Variants in PRKN observed in about 807,000 individuals in gnomAD.
The protein encoded by PRKN is parkin RBR E3 ubiquitin protein ligase.
In PRKN, 56 loss-of-function variants were observed where a neutral mutation model predicts 59.5. The ratio of observed to expected loss-of-function variants is 0.94; its 90% confidence interval spans 0.76 to 1.18. PRKN has a LOEUF of 1.18. Ranked by LOEUF, PRKN falls within the 50% of genes most tolerant of loss-of-function variation. The pLI, the probability that PRKN is intolerant of heterozygous loss-of-function variation, is 0.00. For missense variants in PRKN, 657 were observed against 596.4 expected (o/e 1.10, Z -1.06); for synonymous variants, 250 against 222.1 (o/e 1.13, Z -1.12).
intron 5 of PRKN, among the ~76,000 whole-genome samples, chr6:161,986,075 G>A (rs1027433148): frequency 3.3e-5 from 5 of 152,082 alleles, no homozygotes; most frequent in Admixed American, 2.0e-4. Context: ...GTTTACCATT[G>A]CCATGGCAAC....
At chr6:162,404,800 C>T (rs1043997852) in intron 2 of PRKN, among the ~76,000 whole-genome samples, 2 of 152,186 alleles carry the variant, frequency 1.3e-5, no homozygotes, top group Non-Finnish European at 2.9e-5. Flanking sequence ...GATCTGCCCG[C>T]CTCGGCCTCC....
At chr6:162,221,071 A>G (rs531209710) in intron 3 of PRKN, among the ~76,000 whole-genome samples, 2 of 152,260 alleles carry the variant, frequency 1.3e-5, no homozygotes, top group African/African-American at 2.4e-5. Context: ...ATCTTCCCTC[A>G]TGATACCAGA....
intron 4 of PRKN, among the ~76,000 whole-genome samples, chr6:162,124,945 C>G (rs1781062481): frequency 6.6e-6 from 1 of 152,068 alleles, no homozygotes; most frequent in Non-Finnish European, 1.5e-5. Flanking sequence ...TCAAAGAAGT[C>G]AGGGAAGTCT....
chr6:161,698,557 CT>C (rs896250007), intron 7 of PRKN, among the ~76,000 whole-genome samples: 1 of 151,950 alleles, frequency 6.6e-6, no homozygotes. Flanking sequence ...ACACTATCTG[CT>C]TTTAAGACTT....
intron 2 of PRKN, among the ~76,000 whole-genome samples, chr6:162,432,133 C>T (rs535903601): frequency 1.2e-4 from 18 of 152,120 alleles, no homozygotes; most frequent in Admixed American, 2.0e-4. Context: ...TTATTTCCCC[C>T]TCAAAACAAT....
intron 1 of PRKN, chr6:162,568,229 C>A (rs896922583): frequency 4.0e-5 from 7 of 173,062 alleles, no homozygotes; most frequent in African/African-American, 1.7e-4. Context: ...TTGAGCAATA[C>A]CCCACAAGCA....
At chr6:162,724,921 C>T (rs1341553914) in intron 1 of PRKN, among the ~76,000 whole-genome samples, 1 of 152,192 alleles carries the variant, frequency 6.6e-6, no homozygotes, top group Non-Finnish European at 1.5e-5. Context: ...AAGCCTGTGC[C>T]CAGGCAAACC....
At chr6:162,554,278 C>T (rs1463190378) in intron 1 of PRKN, among the ~76,000 whole-genome samples, 1 of 151,792 alleles carries the variant, frequency 6.6e-6, no homozygotes, top group East Asian at 1.9e-4. Flanking sequence ...CTGAGGCGGG[C>T]GGATCACCTG....
Position 161,554,734 on chromosome 6 carries a change from G to GTC in PRKN, c.934-5732_934-5731insGA, listed in dbSNP as rs1452353963. ...GGATTGTGTGTGTGTGTGTGTGTGTGTATATATATATATATATATACATAC... is the reference window on the plus strand; with the variant it reads ...GGATTGTGTGTGTGTGTGTGTGTGTGTCTATATATATATATATATATACATAC... On this transcript the variant is annotated intron_variant, in intron 8 of 11. Coordinates refer to ENST00000366898, the MANE Select transcript of PRKN (RefSeq NM_004562.3). The surrounding 1 kb of genome is among the most constrained non-coding windows in gnomAD (Gnocchi z 4.5). Among the ~76,000 whole-genome samples, 3 of 140,958 alleles carry GTC rather than the reference G, an allele frequency of 2.1e-5. No homozygotes were observed. The highest frequency in any genetic ancestry group is 2.1e-4 in the East Asian group (1 of 4,814). The allele number at this position is 140,958 out of a possible 152,430, so 92.5% of individuals were successfully genotyped here. A position where few individuals can be genotyped will look rare whatever the true frequency, so the allele number is the denominator to read the frequency against.
chr6:161,551,585 G>A lies in PRKN; in HGVS notation c.934-2582C>T, dbSNP rs988014910. On this transcript the variant is annotated intron_variant, in intron 8 of 11. Coordinates refer to ENST00000366898, the MANE Select transcript of PRKN (RefSeq NM_004562.3). The surrounding 1 kb of genome is among the most constrained non-coding windows in gnomAD (Gnocchi z 5.2). ...AGCTGTGGTTGGAGCTGGGTGTGTG[G>A]CTGCCATTGCGGTCTTGAAAAGTCA... 2.0e-5 allele frequency among the ~76,000 whole-genome samples: 3 copies of A among 152,164 alleles called. No individual in the cohort carries two copies. The highest frequency in any genetic ancestry group is 2.9e-5 in the Non-Finnish European group (2 of 68,026).
At chr6:162,569,372 G>C in intron 1 of PRKN, 1 of 653,138 alleles carries the variant, frequency 1.5e-6, no homozygotes, top group Non-Finnish European at 2.9e-6. Flanking sequence ...GGCCATGCAG[G>C]ACATGGCGTG....
chr6:161,371,481 T>TA lies in PRKN; in HGVS notation c.1168-11277_1168-11276insT, dbSNP rs1442456985. Among the ~76,000 whole-genome samples, 7 of 138,918 alleles carry TA rather than the reference T, an allele frequency of 5.0e-5. No homozygotes were observed. Among genetic ancestry groups the TA allele is most frequent in the South Asian group, 2.4e-4 (1 of 4,168 alleles). The allele number at this position is 138,918 out of a possible 152,430, so 91.1% of individuals were successfully genotyped here. A position where few individuals can be genotyped will look rare whatever the true frequency, so the allele number is the denominator to read the frequency against. On this transcript the variant is annotated intron_variant, in intron 10 of 11. Coordinates refer to ENST00000366898, the MANE Select transcript of PRKN (RefSeq NM_004562.3). The surrounding 1 kb of genome is among the most constrained non-coding windows in gnomAD (Gnocchi z 5.5). ...CGCCCGGCCTATTTTGTTATTTTTT[T>TA]TAAGAGAAATCATCAGAGTGTTGGG... is the stretch of plus-strand genomic sequence containing the variant.
intron 7 of PRKN, 50 bp from the exon 8 acceptor site, chr6:161,569,466 G>A: frequency 6.8e-7 from 1 of 1,477,504 alleles, no homozygotes; most frequent in Non-Finnish European, 9.5e-7. Context: ...ACTCTGTGTG[G>A]TTATATGTTC....
chr6:162,154,763 T>C (rs1782431891), intron 4 of PRKN, among the ~76,000 whole-genome samples: 2 of 152,036 alleles, frequency 1.3e-5, no homozygotes, highest in Admixed American at 1.3e-4. Flanking sequence ...TCAAAACAAT[T>C]CATAATATTT....
chr6:161,915,258 C>T (rs1364467683), intron 6 of PRKN, among the ~76,000 whole-genome samples: 2 of 152,194 alleles, frequency 1.3e-5, no homozygotes, highest in Non-Finnish European at 1.5e-5. Flanking sequence ...GCACTCCAGC[C>T]TGGGTGACAG....
At chr6:162,643,390 T>A (rs1288648111) in intron 1 of PRKN, among the ~76,000 whole-genome samples, 2 of 56,432 alleles carry the variant, frequency 3.5e-5, no homozygotes, top group Non-Finnish European at 6.2e-5. Context: ...AGAGCAAGAC[T>A]CTGCCTCAAA....
chr6:162,343,086 T>A (rs777126648), intron 2 of PRKN, among the ~76,000 whole-genome samples: 9 of 152,176 alleles, frequency 5.9e-5, no homozygotes, highest in Non-Finnish European at 1.2e-4. Context: ...GAAAACCTGT[T>A]ATATACTGTC....
intron 7 of PRKN, among the ~76,000 whole-genome samples, chr6:161,573,751 A>T (rs1375771687): frequency 0.29 from 7,554 of 26,486 alleles, 810 homozygotes; most frequent in Non-Finnish European, 0.32. Context: ...AAAAAAAAAA[A>T]AAAAATATAT....
chr6:162,050,299 T>C (rs1188065426), intron 5 of PRKN, among the ~76,000 whole-genome samples: 1 of 152,212 alleles, frequency 6.6e-6, no homozygotes, highest in Non-Finnish European at 1.5e-5. Flanking sequence ...GTATGTCTTT[T>C]GTAACCTGCA....
Sources: gnomAD v4.1 joint callset for allele counts (sites outside exome capture counted in the v4.1 genomes callset) on GRCh38, gnomAD v4.1.1 for gene constraint, Gnocchi (gnomAD v3.1) non-coding constraint, MANE v1.5 for transcripts, NCBI Gene and HGNC (gene_info 2026-07-23, HGNC 2026-07-21) for gene names.